USP39: variants seen among roughly 807,000 people sequenced by gnomAD.
USP39 encodes the protein ubiquitin carboxyl-terminal hydrolase 39.
A neutral mutation model predicts 66.4 loss-of-function variants in USP39; 38 were observed. The observed-to-expected ratio is 0.57, with a 90% CI of 0.44 to 0.75. USP39 has a LOEUF of 0.75. USP39 is among the 30% of genes least tolerant of loss of function. The pLI, the probability that USP39 is intolerant of heterozygous loss-of-function variation, is 0.00. For synonymous variants in USP39, 303 were observed against 274.6 expected, an observed-to-expected ratio of 1.10 and a Z score of -1.02; for missense variants, 608 against 714.4, an observed-to-expected ratio of 0.85 and a Z score of 1.70.
chr2:85,616,497 C>A, intron 1 of USP39, 34 bp downstream of exon 1: 1 of 1,396,710 alleles, frequency 7.2e-7, no homozygotes, highest in Non-Finnish European at 9.4e-7. Flanking sequence ...GGCGCGAGAG[C>A]CTGTTTTTTT....
upstream of USP39, chr2:85,609,549 C>T: frequency 6.2e-7 from 1 of 1,614,190 alleles, no homozygotes; most frequent in Non-Finnish European, 8.5e-7. Context: ...TTTCACCGGA[C>T]TCTTCATAGT....
upstream of USP39, chr2:85,609,572 G>C (rs371396406): frequency 1.2e-6 from 2 of 1,614,180 alleles, no homozygotes; most frequent in Non-Finnish European, 1.7e-6. Flanking sequence ...GGGTTGCGTG[G>C]GTGGGCAGAG....
upstream of USP39, among the ~76,000 whole-genome samples, chr2:85,615,353 A>G (rs1673849226): frequency 6.6e-6 from 1 of 152,064 alleles, no homozygotes; most frequent in Admixed American, 6.6e-5. Context: ...AGTTTGTTGT[A>G]TGTCAATTAT....
chr2:85,646,371 G>A (rs1214362217), intron 11 of USP39, among the ~76,000 whole-genome samples: 4 of 152,186 alleles, frequency 2.6e-5, no homozygotes, highest in East Asian at 1.9e-4. Context: ...TAGGCAGTAC[G>A]CCAGTTACTT....
rs1558878935 is a variant in USP39 at position 85,648,980 on chromosome 2, A to G, written c.*172A>G. ...GCCCACTTGCCTGGGATGGCCCCAC[A>G]CTGTCACTCAGCTGTTCTTTGATCA... is the stretch of plus-strand genomic sequence containing the variant. On this transcript the variant is annotated 3_prime_UTR_variant, in exon 13 of 13. Transcript: ENST00000323701. 1.4e-6 allele frequency: 1 copy of G among 707,486 alleles called. No individual in the cohort carries two copies. The highest frequency in any genetic ancestry group is 2.5e-6 in the Non-Finnish European group (1 of 399,938). 43.8% of individuals were successfully genotyped at this position (707,486 alleles called of 1,614,324 possible). A position where few individuals can be genotyped will look rare whatever the true frequency, so the allele number is the denominator to read the frequency against.
chr2:85,619,993 T>C (rs987016977), intron 2 of USP39, among the ~76,000 whole-genome samples: 3 of 152,092 alleles, frequency 2.0e-5, no homozygotes, highest in Non-Finnish European at 4.4e-5. Flanking sequence ...TAGCTGGGAT[T>C]ACAGGTGCCC....
At chr2:85,623,559 G>A (rs1399152491) in intron 3 of USP39, 87 bp from the exon 4 acceptor site, 6 of 1,464,436 alleles carry the variant, frequency 4.1e-6, no homozygotes, top group Non-Finnish European at 3.6e-6. Context: ...AACATGTTCC[G>A]GTAGAAAATA....
chr2:85,616,470 G>GGGGAC lies in USP39; in HGVS notation c.268+10_268+11insACGGG. On this transcript the variant is annotated splice_region_variant and intron_variant, in intron 1 of 12. Transcript: ENST00000323701. ...CCTGAGCGGGAGGTGCGAGGTGCGC[G>GGGGAC]GGGCCGGGCCGGGCTAGGCGCGAGA... The GGGGAC allele has an allele frequency of 6.6e-7, 1 of 1,518,800 alleles. No homozygotes were observed. Among genetic ancestry groups the GGGGAC allele is most frequent in the Middle Eastern group, 1.7e-4 (1 of 5,728 alleles). 94.1% of individuals were successfully genotyped at this position (1,518,800 alleles called of 1,614,324 possible).
chr2:85,645,225 G>C, intron 11 of USP39, 142 bp downstream of exon 11: 1 of 1,035,134 alleles, frequency 9.7e-7, no homozygotes, highest in Non-Finnish European at 1.4e-6. Flanking sequence ...TCAGTAGTTA[G>C]TTTAAGGCAG....
chr2:85,632,141 G>A (rs1675397439), intron 6 of USP39, among the ~76,000 whole-genome samples: 1 of 152,144 alleles, frequency 6.6e-6, no homozygotes, highest in African/African-American at 2.4e-5. Flanking sequence ...AATCTCATAT[G>A]GTATCCTCTA....
intron 4 of USP39, among the ~76,000 whole-genome samples, chr2:85,624,103 C>A (rs1176027689): frequency 6.6e-6 from 1 of 152,068 alleles, no homozygotes; most frequent in African/African-American, 2.4e-5. Context: ...TGAATTGGTC[C>A]TGGTGTAGGA....
Position 85,630,872 on chromosome 2 carries a change from C to T in USP39, c.875C>T (p.Ala292Val). 6.2e-7 allele frequency: 1 copy of T among 1,614,208 alleles called. No homozygotes were observed. The highest frequency in any genetic ancestry group is 1.1e-5 in the South Asian group (1 of 91,084). Residue 292 changes from alanine to valine, a missense_variant, in exon 6 of 13, where the codon GCA becomes GTA. Ala to Val is a moderately conservative substitution (Grantham distance 64). Around this residue, in one of 6 missense-constraint regions of USP39, gnomAD observed 17 missense variants for 38.0 expected, o/e 0.45. Transcript: ENST00000323701. ...RKLWNPRNFK[A>V]HVSPHEMLQA... ...CTCTGGAACCCTCGAAATTTCAAGG[C>T]ACATGTGTCTCCCCATGAGATGCTT...
Position 85,641,019 on chromosome 2 carries a change from T to C in USP39, c.1328T>C (p.Leu443Pro). 1 of 1,613,866 alleles carries C rather than the reference T, an allele frequency of 6.2e-7. No homozygotes were observed. The highest frequency in any genetic ancestry group is 8.5e-7 in the Non-Finnish European group (1 of 1,179,954). ...GAGAACTTTCTGAAGCGCTTCCAGC[T>C]TACCAAGTTGCCTCCATATCTAATC... Reference protein sequence around the residue: ...YKENFLKRFQLTKLPPYLIFC... With the variant: ...YKENFLKRFQPTKLPPYLIFC... Residue 443 changes from leucine to proline, a missense_variant, in exon 10 of 13, where the codon CTT becomes CCT. Physicochemically the swap from Leu to Pro is moderately conservative, Grantham distance 98. Coordinates refer to ENST00000323701, the MANE Select transcript of USP39 (RefSeq NM_006590.4).
At chr2:85,623,577 G>A in intron 3 of USP39, 69 bp from the exon 4 acceptor site, 1 of 1,476,738 alleles carries the variant, frequency 6.8e-7, no homozygotes. Flanking sequence ...ATAATGAAAG[G>A]AAAAGCAAAC....
In USP39 at chr2:85,637,370, T is replaced by A; in HGVS notation, c.1029T>A (p.Thr343=). The A allele has an allele frequency of 6.2e-7, 1 of 1,614,226 alleles. No homozygotes were observed. The highest frequency in any genetic ancestry group is 1.1e-5 in the South Asian group (1 of 91,090). ...GTCTCTTGCTTCCTGTTTGTGCAGC[T>A]ATTGTGACTGATGTTTTCCAGGGGT... ...ALGGTKKKKK[T]IVTDVFQGSM... The change falls in exon 8 of 13, where the codon ACT becomes ACA. Residue 343 remains threonine, a splice_region_variant and synonymous_variant. Transcript: ENST00000323701.
At chr2:85,622,064 C>A (rs1674505981) in intron 3 of USP39, among the ~76,000 whole-genome samples, 1 of 151,930 alleles carries the variant, frequency 6.6e-6, no homozygotes, top group South Asian at 2.1e-4. Flanking sequence ...AGGTGATCCA[C>A]CTGTCTTGGC....
At chr2:85,617,576 C>T (rs1674088176) in intron 1 of USP39, among the ~76,000 whole-genome samples, 1 of 152,140 alleles carries the variant, frequency 6.6e-6, no homozygotes, top group African/African-American at 2.4e-5. Flanking sequence ...TGGCTCACAC[C>T]TGTAATCGCA....
intron 1 of USP39, among the ~76,000 whole-genome samples, chr2:85,616,848 C>G (rs1296140234): frequency 6.6e-6 from 1 of 151,604 alleles, no homozygotes; most frequent in Non-Finnish European, 1.5e-5. Flanking sequence ...CGCCACCACG[C>G]CCGGCTAATT....
intron 2 of USP39, among the ~76,000 whole-genome samples, chr2:85,620,518 A>G (rs1280028680): frequency 6.6e-6 from 1 of 151,928 alleles, no homozygotes; most frequent in East Asian, 1.9e-4. Flanking sequence ...GCTGTTCATT[A>G]TGGTAGGCAT....
Sources: gnomAD v4.1 joint callset for allele counts (sites outside exome capture counted in the v4.1 genomes callset) on GRCh38, gnomAD v4.1.1 for gene constraint, gnomAD v4.1.1 regional missense constraint, MANE v1.5 for transcripts, NCBI Gene and HGNC (gene_info 2026-07-23, HGNC 2026-07-21) for gene names.